FLRT1: variants seen among roughly 807,000 people sequenced by gnomAD.
FLRT1 encodes fibronectin leucine rich transmembrane protein 1, also known as leucine-rich repeat transmembrane protein FLRT1.
FLRT1 carries 14 observed loss-of-function variants against 30.9 expected under a neutral mutation model. The observed-to-expected ratio is 0.45, with a 90% confidence interval of 0.30 to 0.71. FLRT1 has a LOEUF of 0.71. Among genes scored for constraint, FLRT1 ranks in the 30% least tolerant of loss-of-function variants. The pLI, the probability that FLRT1 is intolerant of heterozygous loss-of-function variation, is 0.08. For synonymous variants in FLRT1, 368 were observed against 430.4 expected (o/e 0.85, Z 1.80); for missense variants, 737 against 949.2 (o/e 0.78, Z 2.94).
intron 1 of FLRT1, among the ~76,000 whole-genome samples, chr11:64,057,017 C>A (rs552415247): frequency 2.2e-4 from 34 of 152,332 alleles, no homozygotes; most frequent in Non-Finnish European, 4.0e-4. Context: ...CGTGTCACCC[C>A]CCTAAGCAAG....
At chr11:64,073,316 A>G (rs1944142587) in intron 1 of FLRT1, among the ~76,000 whole-genome samples, 1 of 152,172 alleles carries the variant, frequency 6.6e-6, no homozygotes, top group Admixed American at 6.5e-5. Context: ...CTGTGCCCCC[A>G]GCAGACTCCC....
In FLRT1 at chr11:64,052,066, G is replaced by T. The variant is rs551819391; in HGVS notation, c.-1038+15907G>T. 7.2e-5 allele frequency among the ~76,000 whole-genome samples: 11 copies of T among 152,046 alleles called. No homozygotes were observed. In the South Asian group the frequency reaches 2.3e-3, roughly 32 times the overall value. Reference sequence around the variant, plus strand: ...GGGGGGCATTTTGGGAAGGAGGAAGGCAGAGTCCCTGCATTGGAGCAAATC... The same window carrying T: ...GGGGGGCATTTTGGGAAGGAGGAAGTCAGAGTCCCTGCATTGGAGCAAATC... On this transcript the variant is annotated intron_variant, in intron 1 of 2. Coordinates refer to ENST00000682287, the MANE Select transcript of FLRT1 (RefSeq NM_013280.5).
chr11:64,108,935 G>C (rs933937710), intron 2 of FLRT1, among the ~76,000 whole-genome samples: 2 of 152,358 alleles, frequency 1.3e-5, no homozygotes, highest in African/African-American at 4.8e-5. Flanking sequence ...CCTAAGGACA[G>C]AGGCAGGCAG....
chr11:64,064,540 G>T lies in FLRT1; in HGVS notation c.-1038+28381G>T, dbSNP rs969638323. Among the ~76,000 whole-genome samples the T allele has an allele frequency of 6.6e-6, 1 of 152,078 alleles. No individual in the cohort carries two copies. Among genetic ancestry groups the T allele is most frequent in the Non-Finnish European group, 1.5e-5 (1 of 68,006 alleles). ...CATATGTACGTATGTGCCTGGCATG[G>T]TCCTTGCCTGAGTCCTGCCTGCTGG... On this transcript the variant is annotated intron_variant, in intron 1 of 2. Coordinates refer to ENST00000682287, the MANE Select transcript of FLRT1 (RefSeq NM_013280.5). This position sits in a 1 kb window ranked among gnomAD's most constrained non-coding sequence, Gnocchi z 4.5.
intron 2 of FLRT1, among the ~76,000 whole-genome samples, 170 bp downstream of exon 2, chr11:64,104,351 C>T (rs565442737): frequency 6.6e-6 from 1 of 152,272 alleles, no homozygotes; most frequent in African/African-American, 2.4e-5. Flanking sequence ...CACCCACTCA[C>T]GCAGTTCATG....
At chr11:64,040,937 T>C (rs1383113449) in intron 1 of FLRT1, among the ~76,000 whole-genome samples, 2 of 152,058 alleles carry the variant, frequency 1.3e-5, no homozygotes, top group Non-Finnish European at 2.9e-5. Flanking sequence ...CAGGCTCTGC[T>C]TCAAGGGGTC....
intron 1 of FLRT1, among the ~76,000 whole-genome samples, chr11:64,092,279 A>G (rs1807304): frequency 0.19 from 28,790 of 152,192 alleles, 3,105 homozygotes; most frequent in Non-Finnish European, 0.25. Flanking sequence ...ATGGTTTCAT[A>G]TGGGGAGAAT....
At chr11:64,041,621 G>A (rs1448904242) in intron 1 of FLRT1, among the ~76,000 whole-genome samples, 1 of 152,010 alleles carries the variant, frequency 6.6e-6, no homozygotes, top group African/African-American at 2.4e-5. Context: ...AGCCAGGACC[G>A]AATGACCGCC....
chr11:64,074,038 C>T (rs1262864742), intron 1 of FLRT1, among the ~76,000 whole-genome samples: 1 of 152,172 alleles, frequency 6.6e-6, no homozygotes, highest in Non-Finnish European at 1.5e-5. Flanking sequence ...TGCTCCAGGG[C>T]CACTGTCAGC....
intron 1 of FLRT1, among the ~76,000 whole-genome samples, chr11:64,055,099 A>T (rs1266564562): frequency 1.3e-5 from 2 of 151,920 alleles, no homozygotes; most frequent in Admixed American, 6.6e-5. Flanking sequence ...GGTGACCCTC[A>T]TCACCGCCAA....
chr11:64,115,602 C>G (rs1001766601), intron 2 of FLRT1, among the ~76,000 whole-genome samples: 1 of 152,346 alleles, frequency 6.6e-6, no homozygotes, highest in Middle Eastern at 3.4e-3. Flanking sequence ...GACAATGAAG[C>G]TCCCTGCTCT....
intron 1 of FLRT1, among the ~76,000 whole-genome samples, chr11:64,040,723 C>T (rs934300618): frequency 6.6e-6 from 1 of 152,084 alleles, no homozygotes; most frequent in African/African-American, 2.4e-5. Flanking sequence ...AAGGAGAGTC[C>T]GCAGAAACCC....
chr11:64,059,892 GGAGGC>G lies in FLRT1; in HGVS notation c.-1038+23744_-1038+23748del, dbSNP rs58718475. 2.1e-3 allele frequency among the ~76,000 whole-genome samples: 320 copies of G among 152,292 alleles called. 9 individuals carry two copies. The East Asian group carries it at 0.058, about 27-fold the overall frequency. Reference sequence around the variant, plus strand: ...ATAGGGTCCAGCCCTTGAAGGCCGAGGAGGCGAGGCGAGGCTGGCAACCGCGACCT... The same window carrying G: ...ATAGGGTCCAGCCCTTGAAGGCCGAGGAGGCGAGGCTGGCAACCGCGACCT... On this transcript the variant is annotated intron_variant, in intron 1 of 2. Coordinates refer to ENST00000682287, the MANE Select transcript of FLRT1 (RefSeq NM_013280.5).
chr11:64,059,682 CTG>C (rs1943859321), intron 1 of FLRT1, among the ~76,000 whole-genome samples: 1 of 152,188 alleles, frequency 6.6e-6, no homozygotes, highest in African/African-American at 2.4e-5. Context: ...GATGGGGAAA[CTG>C]AGGCCTAGGC....
intron 1 of FLRT1, among the ~76,000 whole-genome samples, chr11:64,040,449 G>A (rs1943463596): frequency 3.3e-5 from 5 of 152,188 alleles, no homozygotes. Context: ...CTGGTGGGCT[G>A]TCTCCCTGGG....
At chr11:64,065,207 G>A (rs557362870) in intron 1 of FLRT1, among the ~76,000 whole-genome samples, 34 of 152,330 alleles carry the variant, frequency 2.2e-4, no homozygotes, top group African/African-American at 7.7e-4. Flanking sequence ...CCTGGGGTCA[G>A]AGAGGCCCAG....
intron 1 of FLRT1, among the ~76,000 whole-genome samples, chr11:64,100,061 G>A (rs1316244474): frequency 6.6e-6 from 1 of 152,160 alleles, no homozygotes; most frequent in Non-Finnish European, 1.5e-5. Flanking sequence ...CCCTGACACT[G>A]CTACAGGTTG....
chr11:64,089,241 G>C (rs893191540), intron 1 of FLRT1, among the ~76,000 whole-genome samples: 1 of 152,184 alleles, frequency 6.6e-6, no homozygotes, highest in Non-Finnish European at 1.5e-5. Context: ...TGAGGGCCCC[G>C]GGCTCTGGGT....
At chr11:64,102,179 A>G (rs1253610501) in intron 1 of FLRT1, among the ~76,000 whole-genome samples, 1 of 152,190 alleles carries the variant, frequency 6.6e-6, no homozygotes, top group Non-Finnish European at 1.5e-5. Flanking sequence ...TGTGTAATAA[A>G]AGCCCTTTTC....
Sources: allele counts gnomAD v4.1 joint callset (sites outside exome capture counted in the v4.1 genomes callset), GRCh38; gene constraint gnomAD v4.1.1; non-coding constraint Gnocchi (gnomAD v3.1); transcripts MANE v1.5; gene names NCBI Gene and HGNC (gene_info 2026-07-23, HGNC 2026-07-21).